The following ARHGEF16 variants were observed in gnomAD, a reference collection of about 807,000 sequenced individuals.
ARHGEF16 encodes Rho guanine exchange factor (GEF) 16.
ARHGEF16 carries 59 observed loss-of-function variants against 74.1 expected under a neutral mutation model. The ratio of observed to expected loss-of-function variants is 0.80; its 90% CI spans 0.65 to 0.99. ARHGEF16 has a LOEUF of 0.99. Among genes scored for constraint, ARHGEF16 ranks in the 50% least tolerant of loss-of-function variants. The pLI is 0.00. For missense variants in ARHGEF16, 948 were observed against 986.6 expected, an observed-to-expected ratio of 0.96 and a Z score of 0.52; for synonymous variants, 415 against 412.6, an observed-to-expected ratio of 1.01 and a Z score of -0.07.
rs1391730078 is a variant in ARHGEF16 at position 3,454,765 on chromosome 1, T to G, written c.-66T>G. The G allele has an allele frequency of 6.6e-6, 1 of 152,320 alleles. No individual in the cohort carries two copies. The highest frequency in any genetic ancestry group is 1.9e-4 in the East Asian group (1 of 5,168). 9.4% of individuals were successfully genotyped at this position (152,320 alleles called of 1,614,324 possible). On this transcript the variant is annotated 5_prime_UTR_variant, in exon 1 of 15. Coordinates refer to ENST00000378378, the MANE Select transcript of ARHGEF16 (RefSeq NM_014448.4). Reference sequence around the variant, plus strand: ...CAGGACAGGACCCGGCGCTGGAAGCTGCACCGCCAGCGCGCCGCCCCTCCG... The same window carrying G: ...CAGGACAGGACCCGGCGCTGGAAGCGGCACCGCCAGCGCGCCGCCCCTCCG...
In ARHGEF16 at chr1:3,477,999, A is replaced by G; in HGVS notation, c.1598A>G (p.Asp533Gly). The change falls in exon 11 of 15, where the codon GAT becomes GGT. Residue 533 changes from aspartate to glycine, a missense_variant. By Grantham distance (94) the Asp-to-Gly change is moderately conservative. Transcript: ENST00000378378. The stretch of plus-strand genomic sequence containing the variant: ...ACGTGCTACCTTTTCCTGTTCAACG[A>G]TGTCCTGGTTGTGACCAAGAAGAAG... ...RPTCYLFLFN[D>G]VLVVTKKKSE... The G allele has an allele frequency of 1.2e-6, 2 of 1,612,682 alleles. No individual in the cohort carries two copies. Among genetic ancestry groups the G allele is most frequent in the South Asian group, 2.2e-5 (2 of 91,074 alleles).
At chr1:3,465,257 C>T (rs557194260) in intron 2 of ARHGEF16, among the ~76,000 whole-genome samples, 13 of 152,226 alleles carry the variant, frequency 8.5e-5, no homozygotes, top group Non-Finnish European at 1.3e-4. Flanking sequence ...GGGCCTCCAG[C>T]GCAGGGAGAA....
chr1:3,479,202 A>G (rs1181518853), intron 12 of ARHGEF16, among the ~76,000 whole-genome samples: 1 of 152,188 alleles, frequency 6.6e-6, no homozygotes, highest in East Asian at 1.9e-4. Context: ...GGCCGTTTCC[A>G]GATGAGGATG....
rs1289648599 is a variant in ARHGEF16 at position 3,478,541 on chromosome 1, C to T, written c.1743C>T (p.His581=). The T allele has an allele frequency of 1.2e-5, 19 of 1,612,550 alleles. No individual in the cohort carries two copies. Among genetic ancestry groups the T allele is most frequent in the Non-Finnish European group, 1.5e-5 (18 of 1,179,876 alleles). ...GCAACCGTAGCTCCTCCGTGCCCCA[C>T]CCCTTCCAGGTGACCCTGCTTCGCA... ...GGGNRSSSVP[H]PFQVTLLRNS... Residue 581 remains histidine, a synonymous_variant, in exon 12 of 15, where the codon CAC becomes CAT. Coordinates refer to ENST00000378378, the MANE Select transcript of ARHGEF16 (RefSeq NM_014448.4).
intron 1 of ARHGEF16, among the ~76,000 whole-genome samples, chr1:3,460,634 G>T (rs1469050527): frequency 1.3e-5 from 2 of 152,196 alleles, no homozygotes; most frequent in Non-Finnish European, 2.9e-5. Context: ...AAGCCTAAAA[G>T]AAATGGATTT....
At position 3,471,660 on chromosome 1, in the gene ARHGEF16, G is replaced by A. The variant is rs565868662; in HGVS notation, c.1023-1418G>A. On this transcript the variant is annotated intron_variant, in intron 6 of 14. Transcript: ENST00000378378. ...TCCCCTCTGCCTCAGGCAGCTGCAT[G>A]TTTGCCTCTGACCTCCTCAGGGCTT... 55 of 1,230,860 alleles carry A rather than the reference G, an allele frequency of 4.5e-5. No homozygotes were observed. In the East Asian group the frequency reaches 3.1e-3, roughly 68 times the overall value. The allele number at this position is 1,230,860 out of a possible 1,614,324, so 76.2% of individuals were successfully genotyped here.
At chr1:3,465,756 G>A (rs536799667) in intron 2 of ARHGEF16, among the ~76,000 whole-genome samples, 19 of 152,258 alleles carry the variant, frequency 1.2e-4, no homozygotes, top group Admixed American at 4.6e-4. Flanking sequence ...CATGCTTGGG[G>A]CTGGACACTG....
chr1:3,461,644 C>T (rs1190348582), intron 1 of ARHGEF16, among the ~76,000 whole-genome samples: 2 of 152,206 alleles, frequency 1.3e-5, no homozygotes, highest in African/African-American at 4.8e-5. Context: ...TGGGCCTGAC[C>T]GCTGTGGCCG....
chr1:3,460,357 C>T (rs1639363381), intron 1 of ARHGEF16, among the ~76,000 whole-genome samples: 1 of 152,192 alleles, frequency 6.6e-6, no homozygotes, highest in Non-Finnish European at 1.5e-5. Context: ...CAGGCCTGGG[C>T]AGTCTGGCCC....
At position 3,462,041 on chromosome 1, in the gene ARHGEF16, T is replaced by TG. The variant is rs1639409788; in HGVS notation, c.-19-1021dup. On this transcript the variant is annotated intron_variant, in intron 1 of 14. Coordinates refer to ENST00000378378, the MANE Select transcript of ARHGEF16 (RefSeq NM_014448.4). ...CAGCCCCGGACCATGAAGGGAACAGTGGGGTAGAGATGGGCTCGGGGGCAC... is the reference window on the plus strand; with the variant it reads ...CAGCCCCGGACCATGAAGGGAACAGTGGGGGTAGAGATGGGCTCGGGGGCAC... Among the ~76,000 whole-genome samples, 4 of 113,640 alleles carry TG rather than the reference T, an allele frequency of 3.5e-5. No homozygotes were observed. In the South Asian group the frequency reaches 1.2e-3, roughly 33 times the overall value. The allele number at this position is 113,640 out of a possible 152,430, so 74.6% of individuals were successfully genotyped here.
rs1347673148 is a variant in ARHGEF16 at position 3,469,496 on chromosome 1, G to A, written c.925G>A (p.Glu309Lys). 3 of 1,613,120 alleles carry A rather than the reference G, an allele frequency of 1.9e-6. No individual in the cohort carries two copies. The African/African-American group carries it at 4.0e-5, about 22-fold the overall frequency. ...YQHSLSILVEEFLQSKELRAT... is the reference protein window; with the variant it reads ...YQHSLSILVEKFLQSKELRAT... ...GCACAGCCTGAGCATCCTGGTGGAGGAGTTCCTGCAGTCCAAGGAGCTGCG... is the reference window on the plus strand; with the variant it reads ...GCACAGCCTGAGCATCCTGGTGGAGAAGTTCCTGCAGTCCAAGGAGCTGCG... The change falls in exon 6 of 15, where the codon GAG becomes AAG. Residue 309 changes from glutamate (E) to lysine (K), a missense_variant. Physicochemically the swap from Glu to Lys is moderately conservative, Grantham distance 56. Transcript: ENST00000378378.
Position 3,468,913 on chromosome 1 carries a change from A to G in ARHGEF16, c.838A>G (p.Thr280Ala). Residue 280 changes from threonine to alanine, a missense_variant, in exon 5 of 15, where the codon ACT (threonine) becomes GCT (alanine). Physicochemically the swap from Thr to Ala is moderately conservative, Grantham distance 58. Coordinates refer to ENST00000378378, the MANE Select transcript of ARHGEF16 (RefSeq NM_014448.4). ...VELGILDQLSTEERKRQEAMF... is the reference protein window; with the variant it reads ...VELGILDQLSAEERKRQEAMF... ...ATTGGGCATCCTGGACCAGCTCTCC[A>G]CTGAGGAGCGGAAAAGGCAGGAGGT... The G allele has an allele frequency of 1.9e-6, 3 of 1,550,284 alleles. No individual in the cohort carries two copies. The highest frequency in any genetic ancestry group is 2.6e-6 in the Non-Finnish European group (3 of 1,146,816).
rs543741796 is a variant in ARHGEF16, at chr1:3,463,160, G to A, written c.76G>A (p.Asp26Asn). ...CCGCTTCCACTCGGAGCTCCGGCTC[G>A]ATGCCGGGGGGAACCCAGCCTCCGG... Reference protein sequence around the residue: ...GHRFHSELRLDAGGNPASGLP... With the variant: ...GHRFHSELRLNAGGNPASGLP... The change falls in exon 2 of 15, where the codon GAT becomes AAT. Residue 26 changes from aspartate (D) to asparagine (N), a missense_variant. Coordinates refer to ENST00000378378, the MANE Select transcript of ARHGEF16 (RefSeq NM_014448.4). 152 of 1,509,578 alleles carry A rather than the reference G, an allele frequency of 1.0e-4. No homozygotes were observed. The highest frequency in any genetic ancestry group is 9.2e-4 in the South Asian group (74 of 80,050). The allele number at this position is 1,509,578 out of a possible 1,614,324, so 93.5% of individuals were successfully genotyped here.
chr1:3,472,330 G>A (rs573654328), intron 6 of ARHGEF16, among the ~76,000 whole-genome samples: 62 of 152,372 alleles, frequency 4.1e-4, no homozygotes, highest in African/African-American at 1.4e-3. Context: ...GCCTAGCTCT[G>A]ACCAAGTGTT....
rs544734465 is a variant in ARHGEF16, at chr1:3,474,238, C to T, written c.1306-470C>T. On this transcript the variant is annotated intron_variant, in intron 8 of 14. Coordinates refer to ENST00000378378, the MANE Select transcript of ARHGEF16 (RefSeq NM_014448.4). ...ACACACATACACGTGGATGCACACACATGCATGCACATGGTGCACAGGCAT... is the reference window on the plus strand; with the variant it reads ...ACACACATACACGTGGATGCACACATATGCATGCACATGGTGCACAGGCAT... 103 of 206,482 alleles carry T rather than the reference C, an allele frequency of 5.0e-4. 1 individual carries two copies. The highest frequency in any genetic ancestry group is 2.1e-3 in the African/African-American group (90 of 43,716). The allele number at this position is 206,482 out of a possible 1,614,324, so 12.8% of individuals were successfully genotyped here.
At position 3,477,890 on chromosome 1, in the gene ARHGEF16, T is replaced by C; in HGVS notation, c.1489T>C (p.Ser497Pro). 6.2e-7 allele frequency: 1 copy of C among 1,602,976 alleles called. No homozygotes were observed. Among genetic ancestry groups the C allele is most frequent in the Non-Finnish European group, 8.5e-7 (1 of 1,171,754 alleles). Residue 497 changes from serine (S) to proline (P), a missense_variant, in exon 11 of 15, where the codon TCT becomes CCT. Ser to Pro is a moderately conservative substitution (Grantham distance 74, BLOSUM62 -1). Transcript: ENST00000378378. ...FSKVKSLPLI[S>P]ASRWLLKRGE... ...GTCCCCCCAGTCCCTCCCACTGATCTCTGCCTCCCGGTGGCTGCTGAAGCG... is the reference window on the plus strand; with the variant it reads ...GTCCCCCCAGTCCCTCCCACTGATCCCTGCCTCCCGGTGGCTGCTGAAGCG...
At chr1:3,467,407 TC>T in intron 4 of ARHGEF16, 70 bp downstream of exon 4, 1 of 1,461,262 alleles carries the variant, frequency 6.8e-7, no homozygotes, top group Non-Finnish European at 9.1e-7. Context: ...TGCTGTTCCT[TC>T]CCCAAGCCCA....
At position 3,460,192 on chromosome 1, in the gene ARHGEF16, C is replaced by T. The variant is rs374571876; in HGVS notation, c.-19-2874C>T. On this transcript the variant is annotated intron_variant, in intron 1 of 14. Transcript: ENST00000378378. ...GTGGGTGCGGCTGCCTCGCTGGGAG[C>T]GGAGGTCACACCCAGCAATGGCTCA... Among the ~76,000 whole-genome samples the T allele has an allele frequency of 1.5e-4, 23 of 152,306 alleles. No homozygotes were observed. In the East Asian group the frequency reaches 3.1e-3, roughly 20 times the overall value.
chr1:3,473,484 C>T lies in ARHGEF16; in HGVS notation c.1267C>T (p.Pro423Ser). 2 of 1,611,998 alleles carry T rather than the reference C, an allele frequency of 1.2e-6. No individual in the cohort carries two copies. Among genetic ancestry groups the T allele is most frequent in the Middle Eastern group, 1.7e-4 (1 of 6,060 alleles). ...GLPMLSFLIL[P>S]MQRVTRLPLL... Reference sequence around the variant, plus strand: ...GCCCATGCTCTCCTTCCTGATCCTCCCCATGCAGCGGGTGACCCGGCTGCC... The same window carrying T: ...GCCCATGCTCTCCTTCCTGATCCTCTCCATGCAGCGGGTGACCCGGCTGCC... The change falls in exon 8 of 15, where the codon CCC becomes TCC. Residue 423 changes from proline (P) to serine (S), a missense_variant. Transcript: ENST00000378378.
Sources: allele counts gnomAD v4.1 joint callset (sites outside exome capture counted in the v4.1 genomes callset), GRCh38; gene constraint gnomAD v4.1.1; transcripts MANE v1.5; gene names NCBI Gene and HGNC (gene_info 2026-07-23, HGNC 2026-07-21).